TMF1: variants seen among roughly 807,000 people sequenced by gnomAD.
TMF1 encodes the protein TATA element modulatory factor 1, also known as TATA element modulatory factor.
Under a neutral mutation model 126.5 loss-of-function variants are expected in TMF1, and 71 were observed. The observed-to-expected ratio is 0.56, with a 90% CI of 0.46 to 0.68. The LOEUF (loss-of-function observed/expected upper bound fraction) is 0.68, where lower values mean the gene tolerates loss of function less well. Among genes scored for constraint, TMF1 ranks in the 30% least tolerant of loss-of-function variants. The probability of loss-of-function intolerance (pLI) is 0.00; values close to 1 mark genes in which losing one functional copy is unlikely to be tolerated. For missense variants in TMF1, 1,259 were observed against 1,253.2 expected (o/e 1.00, Z -0.07); for synonymous variants, 461 against 430.5 (o/e 1.07, Z -0.88).
At position 69,048,408 on chromosome 3, in the gene TMF1, G is replaced by C. The variant is rs1374108253; in HGVS notation, c.297C>G (p.Ala99=). The change falls in exon 2 of 17, where the codon GCC becomes GCG. Residue 99 remains alanine (A), a synonymous_variant. Transcript: ENST00000398559. ...TCTGGACATCAGTTGGCGAGAGAAA[G>C]GCACTGAAGAAATTTTCAGATTCAT... ...VVDESENFFS[A]FLSPTDVQTI... is the part of the protein sequence containing the mutation. 4 of 1,614,012 alleles carry C rather than the reference G, an allele frequency of 2.5e-6. No homozygotes were observed. The highest frequency in any genetic ancestry group is 3.4e-6 in the Non-Finnish European group (4 of 1,180,044).
intron 16 of TMF1, 115 bp from the exon 17 acceptor site, chr3:69,023,435 T>C (rs1283988570): frequency 1.2e-6 from 1 of 816,722 alleles, no homozygotes; most frequent in East Asian, 3.0e-5. Flanking sequence ...AAGTATATAC[T>C]CATCTCTTTT....
At chr3:69,032,133 C>A (rs1441859676) in intron 10 of TMF1, among the ~76,000 whole-genome samples, 2 of 152,016 alleles carry the variant, frequency 1.3e-5, no homozygotes, top group Non-Finnish European at 2.9e-5. Context: ...ACAAAGGAGG[C>A]CCTATTTTCA....
intron 11 of TMF1, among the ~76,000 whole-genome samples, chr3:69,028,713 A>G (rs1262499220): frequency 2.8e-5 from 2 of 71,728 alleles, no homozygotes; most frequent in Non-Finnish European, 6.1e-5. Flanking sequence ...TTTCCAAGGA[A>G]GAACAGAGGG....
At chr3:69,047,120 C>A (rs377257341) in intron 2 of TMF1, among the ~76,000 whole-genome samples, 1 of 152,256 alleles carries the variant, frequency 6.6e-6, no homozygotes, top group East Asian at 1.9e-4. Flanking sequence ...AAGATGAAAA[C>A]TTTCATGCTT....
Position 69,035,292 on chromosome 3 carries a change from AT to A in TMF1, c.2152-178del, listed in dbSNP as rs2091826026. On this transcript the variant is annotated intron_variant, in intron 8 of 16. Coordinates refer to ENST00000398559, the MANE Select transcript of TMF1 (RefSeq NM_007114.3). ...ATTCATCAAGCAATTCTAAAACTGT[AT>A]GTATATTCAATGTTTACTTAGAAAA... 18 of 561,486 alleles carry A rather than the reference AT, an allele frequency of 3.2e-5. No individual in the cohort carries two copies. The South Asian group carries it at 4.2e-4, about 13-fold the overall frequency. 34.8% of individuals were successfully genotyped at this position (561,486 alleles called of 1,614,324 possible).
intron 11 of TMF1, 124 bp from the exon 12 acceptor site, chr3:69,028,419 A>T: frequency 3.3e-6 from 2 of 615,200 alleles, no homozygotes; most frequent in Non-Finnish European, 5.5e-6. Flanking sequence ...TACCAGCTTG[A>T]CATCAGTGAT....
chr3:69,041,377 T>A (rs1202241463), intron 5 of TMF1, among the ~76,000 whole-genome samples: 1 of 152,174 alleles, frequency 6.6e-6, no homozygotes, highest in Non-Finnish European at 1.5e-5. Context: ...AAACATAGTA[T>A]CTGACATACT....
chr3:69,046,794 T>C (rs2091898182), intron 2 of TMF1, among the ~76,000 whole-genome samples: 1 of 152,058 alleles, frequency 6.6e-6, no homozygotes, highest in South Asian at 2.1e-4. Context: ...ATAGGAGATC[T>C]CAAAAATAAC....
intron 1 of TMF1, 144 bp from the exon 2 acceptor site, chr3:69,048,706 T>G (rs909156044): frequency 1.4e-6 from 1 of 730,234 alleles, no homozygotes; most frequent in African/African-American, 1.8e-5. Flanking sequence ...ACTCCTTGCT[T>G]ACTACATCAT....
rs1406986644 is a variant in TMF1, at chr3:69,021,659, T to G, written c.*1518A>C. The G allele has an allele frequency of 6.6e-6, 1 of 152,018 alleles. No homozygotes were observed. Among genetic ancestry groups the G allele is most frequent in the South Asian group, 2.1e-4 (1 of 4,820 alleles). 9.4% of individuals were successfully genotyped at this position (152,018 alleles called of 1,614,324 possible). ...TATTCTGAAGTACTAGTGTTTTAATTTTAACTAAAAATTAAATAAGAGTTT... is the reference window on the plus strand; with the variant it reads ...TATTCTGAAGTACTAGTGTTTTAATGTTAACTAAAAATTAAATAAGAGTTT... On this transcript the variant is annotated 3_prime_UTR_variant, in exon 17 of 17. Coordinates refer to ENST00000398559, the MANE Select transcript of TMF1 (RefSeq NM_007114.3).
chr3:69,029,516 C>G (rs983933311), intron 11 of TMF1, among the ~76,000 whole-genome samples: 29 of 151,454 alleles, frequency 1.9e-4, no homozygotes, highest in African/African-American at 6.8e-4. Flanking sequence ...GGGATCTTGG[C>G]TCACTGCAAC....
chr3:69,023,439 C>T, intron 16 of TMF1, 119 bp from the exon 17 acceptor site: 1 of 828,822 alleles, frequency 1.2e-6, no homozygotes, highest in Non-Finnish European at 1.8e-6. Context: ...ATATACTCAT[C>T]TCTTTTAAAA....
intron 5 of TMF1, 140 bp downstream of exon 5, chr3:69,042,667 A>G: frequency 1.4e-6 from 1 of 730,242 alleles, no homozygotes; most frequent in South Asian, 1.5e-5. Context: ...TCTTCCATAA[A>G]CTGTCACCTA....
In TMF1 at chr3:69,050,271, A is replaced by AC. The variant is rs553040315; in HGVS notation, c.142+1673_142+1674insG. The stretch of plus-strand genomic sequence containing the variant: ...TGAGACTGTGTCTCAAAAAAAAAAA[A>AC]AACAAAAAAACAAATATATATATAT... On this transcript the variant is annotated intron_variant, in intron 1 of 16. Transcript: ENST00000398559. 7.9e-5 allele frequency among the ~76,000 whole-genome samples: 12 copies of AC among 151,608 alleles called. No homozygotes were observed. In the South Asian group the frequency reaches 2.3e-3, roughly 29 times the overall value.
At chr3:69,045,834 A>G (rs2091892541) in intron 2 of TMF1, among the ~76,000 whole-genome samples, 1 of 151,962 alleles carries the variant, frequency 6.6e-6, no homozygotes, top group Non-Finnish European at 1.5e-5. Context: ...CCAAGATGGG[A>G]AGACCGCTTG....
At position 69,052,210 on chromosome 3, in the gene TMF1, C is replaced by CA; in HGVS notation, c.-125dup. On this transcript the variant is annotated 5_prime_UTR_variant, in exon 1 of 17. An upstream start codon of the reference 5' UTR is lost. Coordinates refer to ENST00000398559, the MANE Select transcript of TMF1 (RefSeq NM_007114.3). ...TCGGCTGGTTCTGTCAGCGTGTGGCCATTACCCCGACAGCCTCCCGCGAGC... is the reference window on the plus strand; with the variant it reads ...TCGGCTGGTTCTGTCAGCGTGTGGCCAATTACCCCGACAGCCTCCCGCGAGC... 1 of 1,144,378 alleles carries CA rather than the reference C, an allele frequency of 8.7e-7. No homozygotes were observed. The highest frequency in any genetic ancestry group is 1.2e-6 in the Non-Finnish European group (1 of 837,170). 70.9% of individuals were successfully genotyped at this position (1,144,378 alleles called of 1,614,324 possible).
chr3:69,027,202 G>C (rs569271740), intron 13 of TMF1, among the ~76,000 whole-genome samples: 10 of 152,084 alleles, frequency 6.6e-5, no homozygotes, highest in African/African-American at 1.7e-4. Context: ...TGCCATGTTG[G>C]CCAGGCTGGT....
At chr3:69,050,437 AGATTATGTCT>A (rs565060625) in intron 1 of TMF1, among the ~76,000 whole-genome samples, 276 of 152,288 alleles carry the variant, frequency 1.8e-3, no homozygotes, top group African/African-American at 6.1e-3. Context: ...TGAACAACCA[AGATTATGTCT>A]GATTAATTTA....
intron 8 of TMF1, among the ~76,000 whole-genome samples, chr3:69,038,237 G>A (rs1002528906): frequency 3.3e-5 from 5 of 152,128 alleles, no homozygotes; most frequent in Admixed American, 6.5e-5. Flanking sequence ...CAGATGTTAT[G>A]AATGAGCTCA....
Sources: allele counts gnomAD v4.1 joint callset (sites outside exome capture counted in the v4.1 genomes callset), GRCh38; gene constraint gnomAD v4.1.1; transcripts MANE v1.5; gene names NCBI Gene and HGNC (gene_info 2026-07-23, HGNC 2026-07-21).